Variants in KRT8 observed in about 807,000 individuals in gnomAD.
KRT8 encodes keratin, type II cytoskeletal 8.
A neutral mutation model predicts 43.0 loss-of-function variants in KRT8; 24 were observed. That is an observed-to-expected ratio of 0.56 (90% CI 0.40 to 0.78). The LOEUF is 0.78. Among genes scored for constraint, KRT8 ranks in the 30% least tolerant of loss-of-function variants. The pLI is 0.00. For missense variants in KRT8, 492 were observed against 638.4 expected (o/e 0.77, Z 2.47); for synonymous variants, 214 against 261.2 (o/e 0.82, Z 1.74).
At chr12:52,909,972 T>G (rs778145301), upstream of KRT8, among the ~76,000 whole-genome samples, 1 of 152,132 alleles carries the variant, frequency 6.6e-6, no homozygotes, top group Non-Finnish European at 1.5e-5. Flanking sequence ...AGGATCTCAC[T>G]ATGTTGCCCA....
intron 2 of KRT8, among the ~76,000 whole-genome samples, chr12:52,939,373 A>C (rs1942230132): frequency 6.6e-6 from 1 of 152,124 alleles, no homozygotes; most frequent in Non-Finnish European, 1.5e-5. Context: ...GTGTGGTGGC[A>C]CACGCCTTTA....
intron 2 of KRT8, among the ~76,000 whole-genome samples, chr12:52,938,168 A>AT (rs1194326921): frequency 1.2e-3 from 42 of 35,430 alleles, no homozygotes; most frequent in African/African-American, 3.0e-3. Flanking sequence ...ATATATATAT[A>AT]TATTTTTTTT....
chr12:52,898,912 G>A lies in KRT8; in HGVS notation c.982-13C>T. 6.2e-7 allele frequency: 1 copy of A among 1,612,080 alleles called. No individual in the cohort carries two copies. Among genetic ancestry groups the A allele is most frequent in the Non-Finnish European group, 8.5e-7 (1 of 1,179,466 alleles). On this transcript the variant is annotated splice_polypyrimidine_tract_variant and intron_variant, in intron 5 of 7. Transcript: ENST00000692008. ...CCAGGGAAGCCCTCTGTGGGGTAGGGGACAGGTAAGTAGGTCAGGTTGGGT... is the reference window on the plus strand; with the variant it reads ...CCAGGGAAGCCCTCTGTGGGGTAGGAGACAGGTAAGTAGGTCAGGTTGGGT...
chr12:52,905,205 C>T, upstream of KRT8: 1 of 729,352 alleles, frequency 1.4e-6, no homozygotes, highest in Non-Finnish European at 2.1e-6. Context: ...CAGGTGGGGG[C>T]AGCAGAGAGC....
At chr12:52,922,846 A>T (rs1366900535) in intron 2 of KRT8, among the ~76,000 whole-genome samples, 1 of 152,210 alleles carries the variant, frequency 6.6e-6, no homozygotes, top group Non-Finnish European at 1.5e-5. Context: ...TTAGCTTCCC[A>T]GTCCCCTGGA....
intron 2 of KRT8, among the ~76,000 whole-genome samples, chr12:52,938,170 A>ATATATATATATATTT (rs1555189967): frequency 2.3e-4 from 7 of 30,302 alleles, no homozygotes; most frequent in Non-Finnish European, 3.0e-4. Context: ...ATATATATAT[A>ATATATATATATATTT]TTTTTTTTTT....
intron 1 of KRT8, among the ~76,000 whole-genome samples, chr12:52,902,524 C>CA (rs920132584): frequency 1.3e-5 from 2 of 152,088 alleles, no homozygotes; most frequent in African/African-American, 4.8e-5. Context: ...GCTGGGGCTA[C>CA]AGGCACCTGC....
At chr12:52,905,875 C>T (rs1026440677), upstream of KRT8, among the ~76,000 whole-genome samples, 4 of 152,044 alleles carry the variant, frequency 2.6e-5, no homozygotes, top group South Asian at 2.1e-4. Flanking sequence ...AGGCGGATCA[C>T]GAGGTCAGGA....
chr12:52,949,057 G>C (rs1942406410), intron 2 of KRT8: 1 of 1,000,574 alleles, frequency 1.0e-6, no homozygotes, highest in East Asian at 2.5e-5. Flanking sequence ...TTCCGAAGCG[G>C]CTCCGGGGCG....
intron 2 of KRT8, among the ~76,000 whole-genome samples, chr12:52,924,815 G>T (rs1020226052): frequency 6.6e-6 from 1 of 152,184 alleles, no homozygotes; most frequent in Non-Finnish European, 1.5e-5. Flanking sequence ...GGAGTGAAGT[G>T]GACCCTCAGC....
intron 2 of KRT8, among the ~76,000 whole-genome samples, chr12:52,931,449 C>T (rs142919202): frequency 1.2e-4 from 18 of 152,234 alleles, no homozygotes; most frequent in African/African-American, 1.9e-4. Flanking sequence ...CAGCCCCAAT[C>T]CCAGAGAGTA....
upstream of KRT8, among the ~76,000 whole-genome samples, chr12:52,909,976 T>C (rs1481146848): frequency 6.6e-6 from 1 of 152,130 alleles, no homozygotes; most frequent in Non-Finnish European, 1.5e-5. Flanking sequence ...TCTCACTATG[T>C]TGCCCAGCCT....
intron 2 of KRT8, among the ~76,000 whole-genome samples, chr12:52,916,650 T>G (rs917397819): frequency 1.3e-5 from 2 of 152,176 alleles, no homozygotes; most frequent in Non-Finnish European, 2.9e-5. Flanking sequence ...CCCCTGAACA[T>G]GCAGTTTATA....
upstream of KRT8, among the ~76,000 whole-genome samples, chr12:52,910,978 G>C (rs1184328861): frequency 1.3e-5 from 2 of 152,178 alleles, no homozygotes; most frequent in Non-Finnish European, 2.9e-5. Context: ...AGGAGATGAA[G>C]TATTTGGGTC....
intron 1 of KRT8, among the ~76,000 whole-genome samples, chr12:52,902,787 G>A (rs1358286068): frequency 6.6e-6 from 1 of 152,050 alleles, no homozygotes; most frequent in Non-Finnish European, 1.5e-5. Flanking sequence ...CAAGGCAGGC[G>A]GATTTCTTGA....
intron 1 of KRT8, chr12:52,949,678 C>T: frequency 9.4e-7 from 1 of 1,063,060 alleles, no homozygotes; most frequent in East Asian, 2.7e-5. Flanking sequence ...TCCATAACCA[C>T]CCAACCCCTA....
At chr12:52,906,548 G>A (rs1227326404), upstream of KRT8, 1 of 383,134 alleles carries the variant, frequency 2.6e-6, no homozygotes, top group Non-Finnish European at 5.2e-6. Context: ...TTGGGGAGCT[G>A]AGCAAGGCAC....
chr12:52,949,415 A>G, intron 2 of KRT8: 1 of 1,612,688 alleles, frequency 6.2e-7, no homozygotes. Flanking sequence ...CAGAACGAGA[A>G]GGAGACCATG....
chr12:52,907,315 C>G (rs1941541802), upstream of KRT8, among the ~76,000 whole-genome samples: 1 of 152,174 alleles, frequency 6.6e-6, no homozygotes, highest in South Asian at 2.1e-4. Context: ...CAGTGCCAAA[C>G]CTGGGACAGG....
Sources: allele counts gnomAD v4.1 joint callset (sites outside exome capture counted in the v4.1 genomes callset), GRCh38; gene constraint gnomAD v4.1.1; transcripts MANE v1.5; gene names NCBI Gene and HGNC (gene_info 2026-07-23, HGNC 2026-07-21).